The following VEGFD variants were observed in gnomAD, a reference collection of about 807,000 sequenced individuals.
The protein encoded by VEGFD is vascular endothelial growth factor D, also known as c-fos induced growth factor (vascular endothelial growth factor D).
In VEGFD, 26 loss-of-function variants were observed where a neutral mutation model predicts 28.0. That is an observed-to-expected ratio of 0.93 (90% CI 0.68 to 1.29). The LOEUF (loss-of-function observed/expected upper bound fraction) is 1.29. Ranked by LOEUF, VEGFD falls within the 50% of genes most tolerant of loss-of-function variation. The pLI is 0.00. For missense variants in VEGFD, 294 were observed against 273.4 expected (o/e 1.08, Z -0.53); for synonymous variants, 93 against 95.5 (o/e 0.97, Z 0.15).
chrX:15,346,362 A>C, intron 6 of VEGFD, 103 bp from the exon 7 acceptor site: 1 of 932,013 alleles, frequency 1.1e-6, no homozygotes. Flanking sequence ...TGTATTTAAA[A>C]TGTCAGTATA....
chrX:15,359,178 C>G (rs754600387), intron 2 of VEGFD, among the ~76,000 whole-genome samples: 1 of 110,171 alleles, frequency 9.1e-6, no homozygotes, highest in South Asian at 3.9e-4. Flanking sequence ...CGTGTGTGAG[C>G]TGAACCTAGT....
intron 5 of VEGFD, among the ~76,000 whole-genome samples, chrX:15,349,979 CA>C (rs1922649279): frequency 9.0e-6 from 1 of 111,423 alleles, no homozygotes; most frequent in Non-Finnish European, 1.9e-5. Context: ...TACAACTTCC[CA>C]AAAGGTTTCC....
At chrX:15,372,700 T>C (rs1923342949) in intron 1 of VEGFD, among the ~76,000 whole-genome samples, 1 of 111,812 alleles carries the variant, frequency 8.9e-6, no homozygotes, top group South Asian at 3.7e-4. Context: ...AGAAATGCTG[T>C]TTTTAAGTTA....
In VEGFD at chrX:15,346,000, G is replaced by A; in HGVS notation, c.*133C>T. 2.6e-6 allele frequency: 2 copies of A among 759,331 alleles called. No individual in the cohort carries two copies. The highest frequency in any genetic ancestry group is 3.8e-6 in the Non-Finnish European group (2 of 519,700). 62.6% of individuals were successfully genotyped at this position (759,331 alleles called of 1,213,427 possible). A position where few individuals can be genotyped will look rare whatever the true frequency, so the allele number is the denominator to read the frequency against. On this transcript the variant is annotated 3_prime_UTR_variant, in exon 7 of 7. Transcript: ENST00000297904. ...ACTCCTTAGCTGGTGTGAATGGAAG[G>A]TTGGTCTGGATTCACTGTGGTGCTG...
Position 15,384,008 on chromosome X carries a change from G to T in VEGFD, c.-62C>A. The T allele has an allele frequency of 1.2e-6, 1 of 845,941 alleles. No individual in the cohort carries two copies. Among genetic ancestry groups the T allele is most frequent in the Non-Finnish European group, 1.8e-6 (1 of 567,800 alleles). 69.7% of individuals were successfully genotyped at this position (845,941 alleles called of 1,213,427 possible). A position where few individuals can be genotyped will look rare whatever the true frequency, so the allele number is the denominator to read the frequency against. On this transcript the variant is annotated 5_prime_UTR_variant, in exon 1 of 7. Transcript: ENST00000297904. Reference sequence around the variant, plus strand: ...TGACATCAGGCAGCTAGAGAAAATTGTTTCAAAAGGCATTCTCCAGAAGGA... The same window carrying T: ...TGACATCAGGCAGCTAGAGAAAATTTTTTCAAAAGGCATTCTCCAGAAGGA...
intron 1 of VEGFD, among the ~76,000 whole-genome samples, chrX:15,376,938 T>C (rs184333362): frequency 8.9e-6 from 1 of 112,175 alleles, no homozygotes; most frequent in East Asian, 2.8e-4. Context: ...ACACATGTTA[T>C]TTTCTCTTTC....
intron 1 of VEGFD, among the ~76,000 whole-genome samples, chrX:15,363,594 G>T (rs1014808028): frequency 8.9e-6 from 1 of 112,262 alleles, no homozygotes; most frequent in Non-Finnish European, 1.9e-5. Context: ...GCCTCAAAAT[G>T]ATATGTCCAC....
At chrX:15,351,900 C>T (rs1022765944) in intron 5 of VEGFD, among the ~76,000 whole-genome samples, 1 of 112,248 alleles carries the variant, frequency 8.9e-6, no homozygotes, top group Non-Finnish European at 1.9e-5. Context: ...ACATATATGA[C>T]TCTTATTGTA....
At chrX:15,372,573 G>T (rs1923338188) in intron 1 of VEGFD, among the ~76,000 whole-genome samples, 1 of 111,015 alleles carries the variant, frequency 9.0e-6, no homozygotes, top group Non-Finnish European at 1.9e-5. Flanking sequence ...CTGGGCTGCA[G>T]CTTTGCCATC....
intron 2 of VEGFD, among the ~76,000 whole-genome samples, chrX:15,359,761 G>A (rs1385650902): frequency 8.9e-6 from 1 of 111,743 alleles, no homozygotes; most frequent in Non-Finnish European, 1.9e-5. Context: ...CAGTCCAACA[G>A]CCTGTGAGGA....
chrX:15,367,428 G>A (rs925226325), intron 1 of VEGFD, among the ~76,000 whole-genome samples: 1 of 111,909 alleles, frequency 8.9e-6, no homozygotes, highest in Non-Finnish European at 1.9e-5. Context: ...TGGCAGCTTT[G>A]AAATTCAATG....
chrX:15,359,640 C>T (rs770481704), intron 2 of VEGFD, among the ~76,000 whole-genome samples: 13 of 110,603 alleles, frequency 1.2e-4, no homozygotes, highest in Non-Finnish European at 2.1e-4. Flanking sequence ...TGAGAACATG[C>T]GGTGTTTGGT....
chrX:15,372,733 A>T (rs1923343367), intron 1 of VEGFD, among the ~76,000 whole-genome samples: 1 of 112,055 alleles, frequency 8.9e-6, no homozygotes, highest in Non-Finnish European at 1.9e-5. Context: ...TAACTCCTGA[A>T]CTTCATACAA....
intron 1 of VEGFD, among the ~76,000 whole-genome samples, chrX:15,369,125 G>A (rs1024868245): frequency 9.0e-6 from 1 of 111,475 alleles, no homozygotes; most frequent in Non-Finnish European, 1.9e-5. Flanking sequence ...TAGGTCACGG[G>A]TGACCAAGAT....
chrX:15,355,202 G>C lies in VEGFD; in HGVS notation c.589C>G (p.Arg197Gly). 8.3e-7 allele frequency: 1 copy of C among 1,205,505 alleles called. No homozygotes were observed. Among genetic ancestry groups the C allele is most frequent in the Non-Finnish European group, 1.1e-6 (1 of 893,010 alleles). The change falls in exon 4 of 7, where the codon CGC becomes GGC. Residue 197 changes from arginine (R) to glycine (G), a missense_variant. By Grantham distance (125) the Arg-to-Gly change is moderately radical. Coordinates refer to ENST00000297904, the MANE Select transcript of VEGFD (RefSeq NM_004469.5). The stretch of plus-strand genomic sequence containing the variant: ...CTTCTGATAATTGAGTATGGATGGC[G>C]GGGGGCTGTTGGCAAGCACTTACAA... ...TGCKCLPTAPRHPYSIIRRSI... is the reference protein window; with the variant it reads ...TGCKCLPTAPGHPYSIIRRSI...
intron 2 of VEGFD, among the ~76,000 whole-genome samples, chrX:15,362,216 T>A (rs979248970): frequency 9.0e-6 from 1 of 111,699 alleles, no homozygotes; most frequent in African/African-American, 3.3e-5. Flanking sequence ...ACGATCATTA[T>A]CCTTATTTCA....
Position 15,345,720 on chromosome X carries a change from T to C in VEGFD, c.*413A>G, listed in dbSNP as rs191490067. On this transcript the variant is annotated 3_prime_UTR_variant, in exon 7 of 7. Coordinates refer to ENST00000297904, the MANE Select transcript of VEGFD (RefSeq NM_004469.5). ...AGAAAGTCAGTACTGATCATACGAA[T>C]CAAATTCTGCATAAAAAAGAATCAG... is the stretch of plus-strand genomic sequence containing the variant. 12 of 133,344 alleles carry C rather than the reference T, an allele frequency of 9.0e-5. No individual in the cohort carries two copies. Among genetic ancestry groups the C allele is most frequent in the Non-Finnish European group, 1.5e-5 (1 of 66,440 alleles). The allele number at this position is 133,344 out of a possible 1,213,427, so 11.0% of individuals were successfully genotyped here.
chrX:15,349,742 A>T (rs914287883), intron 5 of VEGFD, among the ~76,000 whole-genome samples: 2 of 111,676 alleles, frequency 1.8e-5, no homozygotes, highest in Non-Finnish European at 3.8e-5. Flanking sequence ...ACTAACCTAA[A>T]TGTGCTCATC....
intron 1 of VEGFD, among the ~76,000 whole-genome samples, chrX:15,366,086 A>C (rs1278035714): frequency 9.0e-6 from 1 of 111,515 alleles, no homozygotes; most frequent in Non-Finnish European, 1.9e-5. Flanking sequence ...GGCTCACTGC[A>C]AGCTCCACCT....
Sources: gnomAD v4.1 joint callset for allele counts (sites outside exome capture counted in the v4.1 genomes callset) on GRCh38, gnomAD v4.1.1 for gene constraint, MANE v1.5 for transcripts, NCBI Gene and HGNC (gene_info 2026-07-23, HGNC 2026-07-21) for gene names.